RGS6: variants seen among roughly 807,000 people sequenced by gnomAD.
The protein encoded by RGS6 is regulator of G-protein signaling 6.
RGS6 carries 30 observed loss-of-function variants against 78.5 expected under a neutral mutation model. The ratio of observed to expected loss-of-function variants is 0.38; its 90% CI spans 0.29 to 0.52. The LOEUF (loss-of-function observed/expected upper bound fraction) is 0.52, where lower values mean the gene tolerates loss of function less well. RGS6 is among the 20% of genes least tolerant of loss of function. The pLI is 0.85. For missense variants in RGS6, 495 were observed against 609.7 expected (o/e 0.81, Z 1.98); for synonymous variants, 206 against 206.0 (o/e 1.00, Z 0.00).
At chr14:72,128,461 A>G (rs1174817475) in intron 2 of RGS6, among the ~76,000 whole-genome samples, 3 of 152,100 alleles carry the variant, frequency 2.0e-5, no homozygotes, top group Non-Finnish European at 4.4e-5. Context: ...AATATAGTAC[A>G]CTATATTCAC....
At chr14:72,110,849 A>G (rs2095744483) in intron 2 of RGS6, among the ~76,000 whole-genome samples, 1 of 152,148 alleles carries the variant, frequency 6.6e-6, no homozygotes, top group Non-Finnish European at 1.5e-5. Context: ...CACTCTGCTA[A>G]TGAAGAAACT....
At chr14:72,535,588 C>T (rs929201034) in intron 15 of RGS6, among the ~76,000 whole-genome samples, 5 of 152,108 alleles carry the variant, frequency 3.3e-5, no homozygotes, top group African/African-American at 1.2e-4. Context: ...TGTATGTGTG[C>T]ATTTAGTTCT....
At chr14:72,453,489 G>A (rs1345378396) in intron 3 of RGS6, among the ~76,000 whole-genome samples, 5 of 147,286 alleles carry the variant, frequency 3.4e-5, no homozygotes, top group Non-Finnish European at 6.0e-5. Context: ...AGTGGCAGGC[G>A]CCTGTAGTCC....
intron 2 of RGS6, among the ~76,000 whole-genome samples, chr14:72,286,667 TTTTC>T (rs1388065032): frequency 1.3e-5 from 2 of 152,184 alleles, no homozygotes; most frequent in African/African-American, 4.8e-5. Context: ...ATTTTTTATG[TTTTC>T]TTTAATTTAT....
intron 17 of RGS6, among the ~76,000 whole-genome samples, chr14:72,554,655 C>A (rs2097546771): frequency 6.6e-6 from 1 of 152,046 alleles, no homozygotes; most frequent in African/African-American, 2.4e-5. Context: ...GGCAGAATGC[C>A]ACCCTCATTC....
chr14:72,107,947 T>C (rs2095668661), intron 2 of RGS6, among the ~76,000 whole-genome samples: 1 of 152,208 alleles, frequency 6.6e-6, no homozygotes, highest in African/African-American at 2.4e-5. Flanking sequence ...TATTATTTTA[T>C]AGTTATACCT....
chr14:72,010,888 C>A (rs1164422645), intron 2 of RGS6, among the ~76,000 whole-genome samples: 1 of 152,212 alleles, frequency 6.6e-6, no homozygotes, highest in African/African-American at 2.4e-5. Flanking sequence ...AGTAACTATG[C>A]AATGACCAAT....
Position 72,563,135 on chromosome 14 carries a change from G to A in RGS6, c.*668G>A, listed in dbSNP as rs533979312. The A allele has an allele frequency of 7.4e-4, 204 of 277,436 alleles. No homozygotes were observed. Among genetic ancestry groups the A allele is most frequent in the Non-Finnish European group, 1.2e-3 (174 of 141,376 alleles). The allele number at this position is 277,436 out of a possible 1,614,324, so 17.2% of individuals were successfully genotyped here. A position where few individuals can be genotyped will look rare whatever the true frequency, so the allele number is the denominator to read the frequency against. ...CGTTCGGAGAGGTCCCCGCCAGCCCGGTGGCTGCCCTCAGGTCCCGTCACA... is the reference window on the plus strand; with the variant it reads ...CGTTCGGAGAGGTCCCCGCCAGCCCAGTGGCTGCCCTCAGGTCCCGTCACA... On this transcript the variant is annotated 3_prime_UTR_variant, in exon 18 of 18. Coordinates refer to ENST00000553525, the MANE Select transcript of RGS6 (RefSeq NM_001204424.2).
At position 72,409,818 on chromosome 14, in the gene RGS6, G is replaced by T. The variant is rs187428374; in HGVS notation, c.185-44710G>T. On this transcript the variant is annotated intron_variant, in intron 3 of 17. Transcript: ENST00000553525. ...TGTGAGTGAGAACATGCAGCGTTTG[G>T]TTTTTTGTTCTTGCAATAGTTTGCT... 2.9e-3 allele frequency among the ~76,000 whole-genome samples: 447 copies of T among 152,156 alleles called. 1 individual carries two copies. Among genetic ancestry groups the T allele is most frequent in the African/African-American group, 0.01 (428 of 41,514 alleles).
chr14:72,510,335 A>G, intron 14 of RGS6, 56 bp downstream of exon 14: 1 of 1,603,690 alleles, frequency 6.2e-7, no homozygotes, highest in Non-Finnish European at 8.5e-7. Flanking sequence ...AATTTGCATA[A>G]TCGGTCTCTC....
At position 72,422,625 on chromosome 14, in the gene RGS6, C is replaced by G. The variant is rs796798516; in HGVS notation, c.185-31903C>G. Among the ~76,000 whole-genome samples, 36 of 152,278 alleles carry G rather than the reference C, an allele frequency of 2.4e-4. 2 individuals carry two copies. The highest frequency in any genetic ancestry group is 7.9e-4 in the African/African-American group (33 of 41,548). ...CAGGAGAGCAGCCTCACCCCTCGTCCTTGTCCAAGATTGGGGAGTGGGTGC... is the reference window on the plus strand; with the variant it reads ...CAGGAGAGCAGCCTCACCCCTCGTCGTTGTCCAAGATTGGGGAGTGGGTGC... On this transcript the variant is annotated intron_variant, in intron 3 of 17. Coordinates refer to ENST00000553525, the MANE Select transcript of RGS6 (RefSeq NM_001204424.2).
intron 6 of RGS6, among the ~76,000 whole-genome samples, chr14:72,462,841 A>C (rs2095816326): frequency 6.6e-6 from 1 of 152,134 alleles, no homozygotes; most frequent in Admixed American, 6.5e-5. Context: ...TGCCAAGGTT[A>C]CCTCCAGTCT....
chr14:72,544,094 G>A (rs2097361158), intron 17 of RGS6, among the ~76,000 whole-genome samples: 1 of 152,292 alleles, frequency 6.6e-6, no homozygotes, highest in South Asian at 2.1e-4. Flanking sequence ...GTGGGGTGGG[G>A]GGCCTCACCA....
chr14:72,608,442 C>T, the RGS6 span, among the ~76,000 whole-genome samples: 1,423 of 152,228 alleles, frequency 9.3e-3, 24 homozygotes, highest in African/African-American at 0.033. Context: ...GCAGCCAACT[C>T]ACTGCCTTCA....
chr14:72,494,647 T>C (rs1348936008), intron 12 of RGS6, among the ~76,000 whole-genome samples: 1 of 152,218 alleles, frequency 6.6e-6, no homozygotes, highest in Non-Finnish European at 1.5e-5. Flanking sequence ...CTAGAAAAGT[T>C]GCTTTTTTGG....
the RGS6 span, among the ~76,000 whole-genome samples, chr14:72,572,195 G>A: frequency 6.6e-6 from 1 of 152,114 alleles, no homozygotes; most frequent in African/African-American, 2.4e-5. Context: ...TAAAATGGTG[G>A]TAATGTAAAA....
intron 2 of RGS6, among the ~76,000 whole-genome samples, chr14:72,223,691 A>C (rs1225818027): frequency 6.6e-6 from 1 of 152,244 alleles, no homozygotes; most frequent in Non-Finnish European, 1.5e-5. Flanking sequence ...TCAGGAAGAG[A>C]AGTGGTTTAC....
chr14:72,111,886 A>G (rs2095772356), intron 2 of RGS6, among the ~76,000 whole-genome samples: 1 of 152,196 alleles, frequency 6.6e-6, no homozygotes, highest in African/African-American at 2.4e-5. Flanking sequence ...GAGATCTGGT[A>G]GTTAATCTGG....
At chr14:72,099,922 A>T (rs1346128989) in intron 2 of RGS6, among the ~76,000 whole-genome samples, 1 of 152,108 alleles carries the variant, frequency 6.6e-6, no homozygotes, top group African/African-American at 2.4e-5. Context: ...TGTGTGAGTG[A>T]TGGGGACTTC....
Sources: allele counts gnomAD v4.1 joint callset (sites outside exome capture counted in the v4.1 genomes callset), GRCh38; gene constraint gnomAD v4.1.1; transcripts MANE v1.5; gene names NCBI Gene and HGNC (gene_info 2026-07-23, HGNC 2026-07-21).